The following LLGL2 variants were observed in gnomAD, a reference collection of about 807,000 sequenced individuals.
LLGL2 encodes LLGL2, scribble cell polarity complex component.
A neutral mutation model predicts 123.2 loss-of-function variants in LLGL2; 81 were observed. That is an observed-to-expected ratio of 0.66 (90% confidence interval 0.55 to 0.79). The LOEUF is 0.79. LLGL2 is among the 30% of genes least tolerant of loss of function. LLGL2 has a pLI of 0.00. For missense variants in LLGL2, 1,273 were observed against 1,414.6 expected (o/e 0.90, Z 1.61); for synonymous variants, 577 against 594.1 (o/e 0.97, Z 0.42).
Position 75,571,727 on chromosome 17 carries a change from C to T in LLGL2, c.2237C>T (p.Ser746Phe), listed in dbSNP as rs143013538. The T allele has an allele frequency of 7.2e-5, 116 of 1,609,640 alleles. No individual in the cohort carries two copies. In the African/African-American group the frequency reaches 1.5e-3, roughly 21 times the overall value. ...AATGGGGGCACCATCTATGCCTTCT[C>T]CCTGCGTGTGCCTCCCGCCGAGCGG... ...GTNGGTIYAF[S>F]LRVPPAERRM... Residue 746 changes from serine (S) to phenylalanine (F), a missense_variant, in exon 18 of 26, where the codon TCC (serine) becomes TTC (phenylalanine). By Grantham distance (155) the Ser-to-Phe change is radical (BLOSUM62 -2). Coordinates refer to ENST00000392550, the MANE Select transcript of LLGL2 (RefSeq NM_001031803.2).
chr17:75,573,924 C>G, intron 21 of LLGL2, 28 bp from the exon 22 acceptor site: 1 of 1,550,572 alleles, frequency 6.4e-7, no homozygotes, highest in Non-Finnish European at 8.7e-7. Flanking sequence ...CCCGGGGGCC[C>G]TGGTCCTCAC....
chr17:75,542,194 C>T (rs1425789838), intron 1 of LLGL2, among the ~76,000 whole-genome samples: 2 of 151,966 alleles, frequency 1.3e-5, no homozygotes, highest in African/African-American at 4.8e-5. Context: ...TAATTTTTGC[C>T]ACCTCCCAAG....
chr17:75,541,715 C>CTTTTTT lies in LLGL2; in HGVS notation c.-30-1656_-30-1651dup, dbSNP rs56656168. On this transcript the variant is annotated intron_variant, in intron 1 of 25. Coordinates refer to ENST00000392550, the MANE Select transcript of LLGL2 (RefSeq NM_001031803.2). ...TTCACTCAAGGGGGATGTGGCTCTG[C>CTTTTTT]TTTTTTTTTTTTTTTTTTTTTTTTT... is the stretch of plus-strand genomic sequence containing the variant. 2.1e-3 allele frequency among the ~76,000 whole-genome samples: 65 copies of CTTTTTT among 31,544 alleles called. 1 individual carries two copies. Among genetic ancestry groups the CTTTTTT allele is most frequent in the Non-Finnish European group, 2.7e-3 (50 of 18,624 alleles). The allele number at this position is 31,544 out of a possible 152,430, so 20.7% of individuals were successfully genotyped here.
Position 75,569,039 on chromosome 17 carries a change from A to C in LLGL2, c.1384A>C (p.Lys462Gln). The part of the protein sequence containing the change: ...ASGVCLRLLY[K>Q]LSTVRVFLTD... ...GGGTGTCTGCCTGCGGCTGCTCTAC[A>C]AACTCAGCACTGTGCGCGTGTTCCT... The change falls in exon 13 of 26, where the codon AAA becomes CAA. Residue 462 changes from lysine to glutamine, a missense_variant. By Grantham distance (53) the Lys-to-Gln change is moderately conservative (BLOSUM62 1). Coordinates refer to ENST00000392550, the MANE Select transcript of LLGL2 (RefSeq NM_001031803.2). The C allele has an allele frequency of 6.2e-7, 1 of 1,612,886 alleles. No individual in the cohort carries two copies. The highest frequency in any genetic ancestry group is 8.5e-7 in the Non-Finnish European group (1 of 1,179,698).
At chr17:75,574,737 C>G (rs2055897283) in intron 25 of LLGL2, 69 bp downstream of exon 25, 2 of 1,596,348 alleles carry the variant, frequency 1.3e-6, no homozygotes, top group South Asian at 1.1e-5. Context: ...AGCCCCGGCC[C>G]CACTCCCCTG....
intron 1 of LLGL2, among the ~76,000 whole-genome samples, chr17:75,541,880 C>T (rs2054224888): frequency 6.6e-6 from 1 of 151,814 alleles, no homozygotes; most frequent in African/African-American, 2.4e-5. Flanking sequence ...CAGGCGTCTG[C>T]CACCACACTC....
intron 1 of LLGL2, among the ~76,000 whole-genome samples, chr17:75,532,749 A>T (rs1476968146): frequency 6.6e-6 from 1 of 152,102 alleles, no homozygotes; most frequent in Non-Finnish European, 1.5e-5. Context: ...ATTAACATTT[A>T]ATATAATTCT....
chr17:75,574,305 A>AGGGGGGGGCAG, intron 23 of LLGL2, 45 bp downstream of exon 23: 1 of 555,110 alleles, frequency 1.8e-6, no homozygotes. Flanking sequence ...GGGGTGGGGA[A>AGGGGGGGGCAG]GGGGGGTCAG....
chr17:75,527,406 G>T (rs2147047881), intron 1 of LLGL2, among the ~76,000 whole-genome samples: 1 of 152,238 alleles, frequency 6.6e-6, no homozygotes, highest in East Asian at 1.9e-4. Context: ...GCCCATCTTT[G>T]TGGGGGCTCC....
chr17:75,539,558 G>C (rs1038428763), intron 1 of LLGL2, among the ~76,000 whole-genome samples: 1 of 149,238 alleles, frequency 6.7e-6, no homozygotes, highest in African/African-American at 2.5e-5. Context: ...TCTTTTTTTT[G>C]ATCAGAGATA....
chr17:75,528,751 C>A (rs1418358928), intron 1 of LLGL2, among the ~76,000 whole-genome samples: 1 of 151,464 alleles, frequency 6.6e-6, no homozygotes, highest in African/African-American at 2.4e-5. Flanking sequence ...AACAAACAAA[C>A]AAACAAAAAA....
chr17:75,540,152 C>CT (rs2054154524), intron 1 of LLGL2, among the ~76,000 whole-genome samples: 1 of 152,184 alleles, frequency 6.6e-6, no homozygotes, highest in Admixed American at 6.5e-5. Context: ...GCCCAGGGCT[C>CT]TTTCCCTTAC....
At chr17:75,526,640 C>G (rs1466862433) in intron 1 of LLGL2, among the ~76,000 whole-genome samples, 1 of 152,064 alleles carries the variant, frequency 6.6e-6, no homozygotes, top group Non-Finnish European at 1.5e-5. Context: ...CGCCCCTTCC[C>G]CTGGGGATCC....
chr17:75,565,886 C>T (rs1001994646), intron 10 of LLGL2, among the ~76,000 whole-genome samples: 6 of 152,196 alleles, frequency 3.9e-5, no homozygotes, highest in African/African-American at 1.4e-4. Flanking sequence ...CTGCTATATG[C>T]CAGGCCCTGT....
Position 75,564,436 on chromosome 17 carries a change from A to G in LLGL2, c.965A>G (p.Gln322Arg), listed in dbSNP as rs752248810. 1.9e-6 allele frequency: 3 copies of G among 1,613,436 alleles called. No homozygotes were observed. The highest frequency in any genetic ancestry group is 2.7e-5 in the African/African-American group (2 of 74,948). ...TGCATCTCAGTGATCCACGATGGCC[A>G]GCAGACGGCCTTCGACTTCACCTCC... Reference protein sequence around the residue: ...RHCISVIHDGQQTAFDFTSRV... With the variant: ...RHCISVIHDGRQTAFDFTSRV... The change falls in exon 10 of 26, where the codon CAG becomes CGG. Residue 322 changes from glutamine (Q) to arginine (R), a missense_variant. Transcript: ENST00000392550. This position sits in a 1 kb window ranked among gnomAD's most constrained non-coding sequence, Gnocchi z 4.9.
chr17:75,570,561 G>C lies in LLGL2; in HGVS notation c.2025+63G>C, dbSNP rs2055656818. The stretch of plus-strand genomic sequence containing the variant: ...CAGGTTCGGCTCAGAGCAGCCAGCA[G>C]GGGGGCCACACGGCCCCTGCTCCCC... On this transcript the variant is annotated intron_variant, in intron 16 of 25. Transcript: ENST00000392550. The C allele has an allele frequency of 2.0e-6, 3 of 1,523,900 alleles. No individual in the cohort carries two copies. In the South Asian group the frequency reaches 3.6e-5, roughly 18 times the overall value. The allele number at this position is 1,523,900 out of a possible 1,614,324, so 94.4% of individuals were successfully genotyped here.
rs1168150354 is a variant in LLGL2 at position 75,525,734 on chromosome 17, A to G, written c.-122A>G. The G allele has an allele frequency of 6.6e-6, 1 of 150,674 alleles. No individual in the cohort carries two copies. The allele number at this position is 150,674 out of a possible 1,614,324, so 9.3% of individuals were successfully genotyped here. A position where few individuals can be genotyped will look rare whatever the true frequency, so the allele number is the denominator to read the frequency against. ...AGCAGGAAGGAGACGGCCGCCCAGC[A>G]GCCCGTGGGCAGGCGCGGCGGAGCG... On this transcript the variant is annotated 5_prime_UTR_variant, in exon 1 of 26. Coordinates refer to ENST00000392550, the MANE Select transcript of LLGL2 (RefSeq NM_001031803.2). This position sits in a 1 kb window ranked among gnomAD's most constrained non-coding sequence, Gnocchi z 4.8.
chr17:75,526,629 G>A (rs1472545436), intron 1 of LLGL2, among the ~76,000 whole-genome samples: 1 of 151,982 alleles, frequency 6.6e-6, no homozygotes, highest in Non-Finnish European at 1.5e-5. Context: ...AGTGAGGAGG[G>A]CGCCCCTTCC....
chr17:75,558,211 C>T lies in LLGL2; in HGVS notation c.230C>T (p.Thr77Met), dbSNP rs140195852. 1,071 of 1,613,342 alleles carry T rather than the reference C, an allele frequency of 6.6e-4. 8 individuals carry two copies. The African/African-American group carries it at 0.011, about 16-fold the overall frequency. The change falls in exon 4 of 26, where the codon ACG becomes ATG. Residue 77 changes from threonine to methionine, a missense_variant. Physicochemically the swap from Thr to Met is moderately conservative, Grantham distance 81 (BLOSUM62 -1). Coordinates refer to ENST00000392550, the MANE Select transcript of LLGL2 (RefSeq NM_001031803.2). This position sits in a 1 kb window ranked among gnomAD's most constrained non-coding sequence, Gnocchi z 4.0. Reference protein sequence around the residue: ...MGLHQENNAVTQIHLLPGQCQ... With the variant: ...MGLHQENNAVMQIHLLPGQCQ... ...CTGCACCAGGAGAACAACGCTGTGACGCAGATCCACCTCCTGCCCGGCCAG... is the reference window on the plus strand; with the variant it reads ...CTGCACCAGGAGAACAACGCTGTGATGCAGATCCACCTCCTGCCCGGCCAG...
Sources: gnomAD v4.1 joint callset for allele counts (sites outside exome capture counted in the v4.1 genomes callset) on GRCh38, gnomAD v4.1.1 for gene constraint, Gnocchi (gnomAD v3.1) non-coding constraint, MANE v1.5 for transcripts, NCBI Gene and HGNC (gene_info 2026-07-23, HGNC 2026-07-21) for gene names.